Variants in SNX27 observed in about 807,000 individuals in gnomAD.
The protein encoded by SNX27 is sorting nexin 27, also known as sorting nexin-27.
In SNX27, 22 loss-of-function variants were observed where a neutral mutation model predicts 71.6. The observed-to-expected ratio is 0.31, with a 90% CI of 0.22 to 0.44. The LOEUF is 0.44. Ranked by LOEUF, SNX27 falls within the 20% of genes least tolerant of loss-of-function variation. SNX27 has a pLI of 1.00. For synonymous variants in SNX27, 269 were observed against 277.2 expected, an observed-to-expected ratio of 0.97 and a Z score of 0.29; for missense variants, 531 against 698.6, an observed-to-expected ratio of 0.76 and a Z score of 2.70.
chr1:151,683,487 C>T (rs1218316451), intron 8 of SNX27, 42 bp downstream of exon 8: 5 of 1,462,454 alleles, frequency 3.4e-6, no homozygotes, highest in Non-Finnish European at 4.7e-6. Context: ...ATGCCCCTTC[C>T]TACCTTTAAA....
chr1:151,683,294 C>T (rs879656660), intron 7 of SNX27, 62 bp from the exon 8 acceptor site: 12 of 1,353,884 alleles, frequency 8.9e-6, no homozygotes, highest in Middle Eastern at 3.8e-4. Flanking sequence ...CTGTTTTCAT[C>T]GAGAATGTAC....
intron 2 of SNX27, among the ~76,000 whole-genome samples, chr1:151,640,781 C>CT (rs554584161): frequency 6.6e-5 from 10 of 152,138 alleles, no homozygotes; most frequent in Non-Finnish European, 1.2e-4. Flanking sequence ...TGTACATAGT[C>CT]TTATAACCAC....
At chr1:151,618,078 G>A (rs1667509446) in intron 1 of SNX27, among the ~76,000 whole-genome samples, 1 of 148,616 alleles carries the variant, frequency 6.7e-6, no homozygotes, top group Admixed American at 6.7e-5. Flanking sequence ...GTTGCCCAGT[G>A]TGGTCTTGAA....
chr1:151,675,663 A>G (rs987468360), intron 7 of SNX27, among the ~76,000 whole-genome samples: 1 of 151,072 alleles, frequency 6.6e-6, no homozygotes, highest in African/African-American at 2.4e-5. Context: ...AGTGCCTGGG[A>G]CTACATGTGT....
chr1:151,693,705 A>G, intron 11 of SNX27: 1 of 1,609,640 alleles, frequency 6.2e-7, no homozygotes, highest in Non-Finnish European at 8.5e-7. Context: ...TCCCTTGTCT[A>G]GAGGGTGGAC....
chr1:151,692,599 T>C lies in SNX27; in HGVS notation c.1389+15T>C. 1.2e-6 allele frequency: 2 copies of C among 1,609,208 alleles called. No individual in the cohort carries two copies. Among genetic ancestry groups the C allele is most frequent in the Non-Finnish European group, 1.7e-6 (2 of 1,178,576 alleles). Reference sequence around the variant, plus strand: ...GACAGCTGGAGGTGAGTTTTCAGCATAGGGCTCTGGCTGCGAGGACTGGAG... The same window carrying C: ...GACAGCTGGAGGTGAGTTTTCAGCACAGGGCTCTGGCTGCGAGGACTGGAG... On this transcript the variant is annotated intron_variant, in intron 9 of 11. Transcript: ENST00000458013.
intron 2 of SNX27, among the ~76,000 whole-genome samples, chr1:151,641,397 G>A (rs1668711867): frequency 6.6e-6 from 1 of 151,704 alleles, no homozygotes; most frequent in South Asian, 2.1e-4. Flanking sequence ...CATGGACATA[G>A]TGATACCTTA....
At chr1:151,630,607 A>G (rs1558039638) in intron 1 of SNX27, among the ~76,000 whole-genome samples, 1 of 152,218 alleles carries the variant, frequency 6.6e-6, no homozygotes, top group Non-Finnish European at 1.5e-5. Flanking sequence ...GTGATCCAGA[A>G]TGGAAATTTT....
At chr1:151,647,790 T>TAA (rs1669116550) in intron 2 of SNX27, among the ~76,000 whole-genome samples, 1 of 141,964 alleles carries the variant, frequency 7.0e-6, no homozygotes, top group Non-Finnish European at 1.5e-5. Context: ...TTCACAGCTC[T>TAA]TTCCTGTCCC....
At chr1:151,650,595 T>C (rs553768351) in intron 2 of SNX27, among the ~76,000 whole-genome samples, 53 of 151,686 alleles carry the variant, frequency 3.5e-4, no homozygotes, top group African/African-American at 1.2e-3. Flanking sequence ...AATTTTTCTC[T>C]TTTTTTTTAA....
At chr1:151,619,419 C>A (rs1040548399) in intron 1 of SNX27, among the ~76,000 whole-genome samples, 2 of 152,152 alleles carry the variant, frequency 1.3e-5, no homozygotes, top group Non-Finnish European at 2.9e-5. Context: ...CTCACCTTAG[C>A]CTTCCAGAAA....
intron 1 of SNX27, among the ~76,000 whole-genome samples, chr1:151,627,624 C>T (rs1046743179): frequency 3.9e-5 from 6 of 152,032 alleles, no homozygotes; most frequent in East Asian, 3.9e-4. Flanking sequence ...GATGGGGTTT[C>T]GCCATGATGC....
rs1375319601 is a variant in SNX27 at position 151,612,216 on chromosome 1, C to G, written c.15C>G (p.Asp5Glu). The G allele has an allele frequency of 9.6e-6, 13 of 1,357,648 alleles. No individual in the cohort carries two copies. Among genetic ancestry groups the G allele is most frequent in the Admixed American group, 3.8e-5 (1 of 26,344 alleles). The allele number at this position is 1,357,648 out of a possible 1,614,324, so 84.1% of individuals were successfully genotyped here. ...CTGCTCGCAAGATGGCGGACGAGGA[C>G]GGGGAAGGGATTCATCCCTCAGCCC... MADE[D>E]GEGIHPSAPH... Residue 5 changes from aspartate (D) to glutamate (E), a missense_variant, in exon 1 of 12, where the codon GAC becomes GAG. Asp to Glu is a conservative substitution (Grantham distance 45, BLOSUM62 2). Around this residue, in one of 5 missense-constraint regions of SNX27, gnomAD observed 130 missense variants for 143.5 expected, o/e 0.91. Transcript: ENST00000458013. The surrounding 1 kb of genome is among the most constrained non-coding windows in gnomAD (Gnocchi z 5.2).
chr1:151,650,145 C>T (rs1669256980), intron 2 of SNX27, among the ~76,000 whole-genome samples: 1 of 152,142 alleles, frequency 6.6e-6, no homozygotes, highest in South Asian at 2.1e-4. Context: ...ACTTCAGCCT[C>T]TCAAGATGTT....
chr1:151,649,031 C>T (rs968980833), intron 2 of SNX27, among the ~76,000 whole-genome samples: 6 of 151,354 alleles, frequency 4.0e-5, no homozygotes, highest in Non-Finnish European at 7.4e-5. Flanking sequence ...GGTACGATCT[C>T]GGCTCACTAC....
Position 151,612,465 on chromosome 1 carries a change from G to T in SNX27, c.264G>T (p.Gly88=), listed in dbSNP as rs369017951. The T allele has an allele frequency of 3.4e-5, 49 of 1,425,136 alleles. No individual in the cohort carries two copies. Among genetic ancestry groups the T allele is most frequent in the Non-Finnish European group, 4.4e-5 (48 of 1,091,326 alleles). 88.3% of individuals were successfully genotyped at this position (1,425,136 alleles called of 1,614,324 possible). A position where few individuals can be genotyped will look rare whatever the true frequency, so the allele number is the denominator to read the frequency against. ...ATGTGAGCGCCGTGCTGCCCGGGGG[G>T]GCGGCCGATCGGGCCGGGGTGCGCA... is the stretch of plus-strand genomic sequence containing the variant. ...LQHVSAVLPG[G]AADRAGVRKG... The change falls in exon 1 of 12, where the codon GGG becomes GGT. Residue 88 remains glycine, a synonymous_variant. Coordinates refer to ENST00000458013, the MANE Select transcript of SNX27 (RefSeq NM_001330723.2). The surrounding 1 kb of genome is among the most constrained non-coding windows in gnomAD (Gnocchi z 5.2).
chr1:151,693,820 G>A, intron 11 of SNX27: 1 of 1,441,728 alleles, frequency 6.9e-7, no homozygotes, highest in Non-Finnish European at 9.0e-7. Context: ...AGGGGAAGCT[G>A]TCCTCAGTTG....
rs570798006 is a variant in SNX27, at chr1:151,688,307, C to A, written c.1240-4128C>A. Among the ~76,000 whole-genome samples the A allele has an allele frequency of 3.9e-5, 6 of 152,200 alleles. No homozygotes were observed. In the East Asian group the frequency reaches 9.7e-4, roughly 25 times the overall value. On this transcript the variant is annotated intron_variant, in intron 8 of 11. Transcript: ENST00000458013. ...GATTTGGTGTTTTAAATACCAAATA[C>A]CCTTTTAAATATCCTTATGTAAACA...
chr1:151,644,085 A>G (rs752848153), intron 2 of SNX27, among the ~76,000 whole-genome samples: 3 of 152,250 alleles, frequency 2.0e-5, no homozygotes, highest in Non-Finnish European at 4.4e-5. Flanking sequence ...TACAATTAGT[A>G]ATTTCATTCC....
Sources: allele counts gnomAD v4.1 joint callset (sites outside exome capture counted in the v4.1 genomes callset), GRCh38; gene constraint gnomAD v4.1.1; regional missense constraint gnomAD v4.1.1; non-coding constraint Gnocchi (gnomAD v3.1); transcripts MANE v1.5; gene names NCBI Gene and HGNC (gene_info 2026-07-23, HGNC 2026-07-21).